LANCL2: variants seen among roughly 807,000 people sequenced by gnomAD.
LANCL2 encodes lanC-like protein 2.
A neutral mutation model predicts 56.9 loss-of-function variants in LANCL2; 33 were observed. The ratio of observed to expected loss-of-function variants is 0.58; its 90% CI spans 0.44 to 0.78. LANCL2 has a LOEUF of 0.78. Among genes scored for constraint, LANCL2 ranks in the 30% least tolerant of loss-of-function variants. LANCL2 has a pLI of 0.00. For missense variants in LANCL2, 562 were observed against 580.2 expected, an observed-to-expected ratio of 0.97 and a Z score of 0.32; for synonymous variants, 233 against 228.2, an observed-to-expected ratio of 1.02 and a Z score of -0.19.
At chr7:55,416,979 T>TG (rs1562868525) in intron 6 of LANCL2, among the ~76,000 whole-genome samples, 10 of 129,784 alleles carry the variant, frequency 7.7e-5, no homozygotes, top group Non-Finnish European at 1.3e-4. Flanking sequence ...GTTTTTTTTT[T>TG]TTTTTTTTTT....
In LANCL2 at chr7:55,427,838, G is replaced by A. The variant is rs1790681468; in HGVS notation, c.1186-537G>A. 2.6e-5 allele frequency among the ~76,000 whole-genome samples: 4 copies of A among 152,184 alleles called. No homozygotes were observed. The South Asian group carries it at 8.3e-4, about 32-fold the overall frequency. ...AGAGGTCTAAGAAGAAAGGGTCAAG[G>A]AGCTCAGAGGAGAGCACAGGGAGGG... is the stretch of plus-strand genomic sequence containing the variant. On this transcript the variant is annotated intron_variant, in intron 7 of 8. Transcript: ENST00000254770.
At chr7:55,414,333 G>A (rs1231574019) in intron 6 of LANCL2, among the ~76,000 whole-genome samples, 1 of 152,126 alleles carries the variant, frequency 6.6e-6, no homozygotes, top group Admixed American at 6.5e-5. Flanking sequence ...TTTCTCTCAA[G>A]TTACAGTTAA....
chr7:55,381,411 C>T (rs3927301), intron 1 of LANCL2, among the ~76,000 whole-genome samples: 45,700 of 152,104 alleles, frequency 0.3, 7,311 homozygotes, highest in Non-Finnish European at 0.35. Context: ...TGTCTGTGTA[C>T]GTATCCAATC....
chr7:55,399,706 T>TCGA (rs1293378225), intron 3 of LANCL2, among the ~76,000 whole-genome samples: 4 of 152,214 alleles, frequency 2.6e-5, no homozygotes, highest in Non-Finnish European at 5.9e-5. Context: ...CAAAATAAAA[T>TCGA]TTTATGGTTT....
chr7:55,376,461 C>T (rs1790003803), intron 1 of LANCL2, among the ~76,000 whole-genome samples: 2 of 152,174 alleles, frequency 1.3e-5, no homozygotes, highest in Non-Finnish European at 2.9e-5. Flanking sequence ...CATTGCCCCA[C>T]TGACGGTACT....
chr7:55,428,458 G>A lies in LANCL2; in HGVS notation c.1258+11G>A, dbSNP rs773920721. On this transcript the variant is annotated intron_variant, in intron 8 of 8. Transcript: ENST00000254770. Reference sequence around the variant, plus strand: ...ATTCGCTCTTTGAAGGTAAGAGTGAGAAAAATGCTATAGATTAAATGTTTG... The same window carrying A: ...ATTCGCTCTTTGAAGGTAAGAGTGAAAAAAATGCTATAGATTAAATGTTTG... 6.2e-7 allele frequency: 1 copy of A among 1,610,648 alleles called. No individual in the cohort carries two copies. The highest frequency in any genetic ancestry group is 1.3e-5 in the African/African-American group (1 of 74,976).
intron 1 of LANCL2, among the ~76,000 whole-genome samples, chr7:55,374,166 A>C (rs998388845): frequency 3.3e-5 from 5 of 152,042 alleles, no homozygotes; most frequent in African/African-American, 4.8e-5. Flanking sequence ...ATACATTGTC[A>C]CTTAACAGTT....
At chr7:55,391,538 T>A (rs1373374906) in intron 1 of LANCL2, among the ~76,000 whole-genome samples, 2 of 149,184 alleles carry the variant, frequency 1.3e-5, no homozygotes, top group Non-Finnish European at 3.0e-5. Context: ...CTTTTTTTTT[T>A]AATTCTTTGA....
At chr7:55,403,072 G>A (rs1022172364) in intron 5 of LANCL2, among the ~76,000 whole-genome samples, 1 of 152,138 alleles carries the variant, frequency 6.6e-6, no homozygotes, top group African/African-American at 2.4e-5. Context: ...CGGCACTTTG[G>A]GGGGCCAAGG....
Position 55,365,611 on chromosome 7 carries a change from G to A in LANCL2, c.-415G>A, listed in dbSNP as rs1789847939. 1 of 157,440 alleles carries A rather than the reference G, an allele frequency of 6.4e-6. No individual in the cohort carries two copies. The highest frequency in any genetic ancestry group is 6.5e-5 in the Admixed American group (1 of 15,402). 9.8% of individuals were successfully genotyped at this position (157,440 alleles called of 1,614,324 possible). A position where few individuals can be genotyped will look rare whatever the true frequency, so the allele number is the denominator to read the frequency against. ...CCTAGCGGGCGTTCGGTTTTCTTTG[G>A]AAATCGCGGAGGGGGCTGGCCGGGC... On this transcript the variant is annotated 5_prime_UTR_variant, in exon 1 of 9. Transcript: ENST00000254770.
chr7:55,365,945 C>T lies in LANCL2; in HGVS notation c.-81C>T. ...CTAGAGGACGCTCTCTGCGCGGGCCCTCGGAGGAGGCGGCGGCGGGGCGAG... is the reference window on the plus strand; with the variant it reads ...CTAGAGGACGCTCTCTGCGCGGGCCTTCGGAGGAGGCGGCGGCGGGGCGAG... On this transcript the variant is annotated 5_prime_UTR_variant, in exon 1 of 9. Transcript: ENST00000254770. 4 of 1,184,088 alleles carry T rather than the reference C, an allele frequency of 3.4e-6. No homozygotes were observed. Among genetic ancestry groups the T allele is most frequent in the East Asian group, 3.1e-5 (1 of 31,930 alleles). The allele number at this position is 1,184,088 out of a possible 1,614,324, so 73.3% of individuals were successfully genotyped here. A position where few individuals can be genotyped will look rare whatever the true frequency, so the allele number is the denominator to read the frequency against.
intron 1 of LANCL2, among the ~76,000 whole-genome samples, chr7:55,376,473 C>G (rs1001148875): frequency 2.0e-5 from 3 of 152,138 alleles, no homozygotes; most frequent in African/African-American, 7.2e-5. Flanking sequence ...GACGGTACTC[C>G]CTCATCAAAG....
chr7:55,417,001 A>G (rs761902631), intron 6 of LANCL2, among the ~76,000 whole-genome samples: 66 of 56,872 alleles, frequency 1.2e-3, no homozygotes, highest in Non-Finnish European at 4.8e-4. Flanking sequence ...TTTTTTGGAG[A>G]CAGAGTCTCA....
At chr7:55,374,498 A>G (rs569343013) in intron 1 of LANCL2, among the ~76,000 whole-genome samples, 13 of 152,332 alleles carry the variant, frequency 8.5e-5, no homozygotes, top group Non-Finnish European at 7.3e-5. Context: ...GTGAAGGTAG[A>G]TGTTTTCACT....
At chr7:55,385,621 C>A (rs543011645) in intron 1 of LANCL2, among the ~76,000 whole-genome samples, 1 of 152,232 alleles carries the variant, frequency 6.6e-6, no homozygotes, top group African/African-American at 2.4e-5. Flanking sequence ...AAGTACTTAA[C>A]AAGGTAATAG....
rs772483530 is a variant in LANCL2, at chr7:55,366,045, A to C, written c.20A>C (p.Lys7Thr). 1.3e-6 allele frequency: 2 copies of C among 1,503,348 alleles called. No homozygotes were observed. The highest frequency in any genetic ancestry group is 1.8e-6 in the Non-Finnish European group (2 of 1,120,768). 93.1% of individuals were successfully genotyped at this position (1,503,348 alleles called of 1,614,324 possible). A position where few individuals can be genotyped will look rare whatever the true frequency, so the allele number is the denominator to read the frequency against. ...GCGGAGATGGGCGAGACCATGTCAA[A>C]GAGGCTGAAGCTCCACCTGGGAGGG... MGETMS[K>T]RLKLHLGGEA... The change falls in exon 1 of 9, where the codon AAG becomes ACG. Residue 7 changes from lysine to threonine, a missense_variant. This residue lies in a region of LANCL2 where 184 missense variants were observed against 111.8 expected (regional missense o/e 1.65). Coordinates refer to ENST00000254770, the MANE Select transcript of LANCL2 (RefSeq NM_018697.4).
chr7:55,403,151 T>C (rs1790361793), intron 5 of LANCL2, among the ~76,000 whole-genome samples: 1 of 152,206 alleles, frequency 6.6e-6, no homozygotes, highest in Non-Finnish European at 1.5e-5. Context: ...TGGGCACCAT[T>C]GAACACTGAG....
intron 1 of LANCL2, among the ~76,000 whole-genome samples, chr7:55,371,919 G>T (rs963358011): frequency 6.6e-6 from 1 of 152,118 alleles, no homozygotes; most frequent in African/African-American, 2.4e-5. Flanking sequence ...TTGTGTGTGT[G>T]TGTGTGTGTC....
chr7:55,408,723 A>G (rs1790438497), intron 5 of LANCL2, among the ~76,000 whole-genome samples: 1 of 152,010 alleles, frequency 6.6e-6, no homozygotes, highest in African/African-American at 2.4e-5. Flanking sequence ...GGAAAGACCT[A>G]CCAGTTTCCT....
Sources: gnomAD v4.1 joint callset for allele counts (sites outside exome capture counted in the v4.1 genomes callset) on GRCh38, gnomAD v4.1.1 for gene constraint, gnomAD v4.1.1 regional missense constraint, MANE v1.5 for transcripts, NCBI Gene and HGNC (gene_info 2026-07-23, HGNC 2026-07-21) for gene names.